TNFAIP1: variants seen among roughly 807,000 people sequenced by gnomAD.
The protein encoded by TNFAIP1 is TNF alpha induced protein 1.
TNFAIP1 carries 20 observed loss-of-function variants against 32.6 expected under a neutral mutation model. The observed-to-expected ratio is 0.61, with a 90% CI of 0.43 to 0.89. The LOEUF is 0.89. TNFAIP1 is among the 40% of genes least tolerant of loss of function. The pLI, the probability that TNFAIP1 is intolerant of heterozygous loss-of-function variation, is 0.00. For missense variants in TNFAIP1, 319 were observed against 425.1 expected (o/e 0.75, Z 2.20); for synonymous variants, 166 against 166.8 (o/e 1.00, Z 0.04).
chr17:28,342,138 C>T lies in TNFAIP1; in HGVS notation c.519-109C>T, dbSNP rs956935467. The T allele has an allele frequency of 1.9e-5, 19 of 1,012,750 alleles. 1 individual carries two copies. The highest frequency in any genetic ancestry group is 7.9e-5 in the South Asian group (4 of 50,536). The allele number at this position is 1,012,750 out of a possible 1,614,324, so 62.7% of individuals were successfully genotyped here. A position where few individuals can be genotyped will look rare whatever the true frequency, so the allele number is the denominator to read the frequency against. On this transcript the variant is annotated intron_variant, in intron 5 of 6. Coordinates refer to ENST00000226225, the MANE Select transcript of TNFAIP1 (RefSeq NM_021137.5). This position sits in a 1 kb window ranked among gnomAD's most constrained non-coding sequence, Gnocchi z 4.0. ...GCCCCCTGGCATCTTGCTTTCATTT[C>T]GGCAGGACAGGATGGGGGAAGGGAG... is the stretch of plus-strand genomic sequence containing the variant.
Position 28,344,490 on chromosome 17 carries a change from G to A in TNFAIP1, c.841G>A (p.Glu281Lys), listed in dbSNP as rs1907474016. ...SRSRSQASPS[E>K]DEETFELRDR... ...TAGCCGCAGCCAGGCTTCCCCCAGT[G>A]AAGATGAGGAGACCTTTGAACTGCG... The change falls in exon 7 of 7, where the codon GAA becomes AAA. Residue 281 changes from glutamate to lysine, a missense_variant. By Grantham distance (56) the Glu-to-Lys change is moderately conservative. Transcript: ENST00000226225. 21 of 1,614,012 alleles carry A rather than the reference G, an allele frequency of 1.3e-5. No homozygotes were observed. The highest frequency in any genetic ancestry group is 1.7e-5 in the Non-Finnish European group (20 of 1,180,026).
At position 28,340,470 on chromosome 17, in the gene TNFAIP1, G is replaced by T; in HGVS notation, c.367G>T (p.Ala123Ser). ...IQGLVNMCQS[A>S]LQDKKDSYQP... Reference sequence around the variant, plus strand: ...GGGGCTGGTGAATATGTGCCAGAGTGCCCTGCAGGTACATGGGTGGGGCGG... The same window carrying T: ...GGGGCTGGTGAATATGTGCCAGAGTTCCCTGCAGGTACATGGGTGGGGCGG... Residue 123 changes from alanine (A) to serine (S), a missense_variant, in exon 3 of 7, where the codon GCC (alanine) becomes TCC (serine). Physicochemically the swap from Ala to Ser is moderately conservative, Grantham distance 99. Transcript: ENST00000226225. This position sits in a 1 kb window ranked among gnomAD's most constrained non-coding sequence, Gnocchi z 4.1. The T allele has an allele frequency of 6.2e-7, 1 of 1,613,932 alleles. No individual in the cohort carries two copies. Among genetic ancestry groups the T allele is most frequent in the Non-Finnish European group, 8.5e-7 (1 of 1,179,902 alleles).
chr17:28,346,013 C>T lies in TNFAIP1; in HGVS notation c.*1413C>T, dbSNP rs1463934377. 1 of 152,206 alleles carries T rather than the reference C, an allele frequency of 6.6e-6. No homozygotes were observed. The highest frequency in any genetic ancestry group is 1.5e-5 in the Non-Finnish European group (1 of 68,038). 9.4% of individuals were successfully genotyped at this position (152,206 alleles called of 1,614,324 possible). On this transcript the variant is annotated 3_prime_UTR_variant, in exon 7 of 7. Transcript: ENST00000226225. ...AAGCAACGTAGCCACGTATAGTACC[C>T]ACTTTCTGCTCTTTGGAGAGAACAC... is the stretch of plus-strand genomic sequence containing the variant.
At position 28,341,345 on chromosome 17, in the gene TNFAIP1, G is replaced by C. The variant is rs1567786655; in HGVS notation, c.465+19G>C. On this transcript the variant is annotated intron_variant, in intron 4 of 6. Transcript: ENST00000226225. ...CACCAAGGTACCAGGACCTCTGAGGGGTGCGGGCCGGGGATGCCAGTCCCC... is the reference window on the plus strand; with the variant it reads ...CACCAAGGTACCAGGACCTCTGAGGCGTGCGGGCCGGGGATGCCAGTCCCC... 4 of 1,614,198 alleles carry C rather than the reference G, an allele frequency of 2.5e-6. No homozygotes were observed. The highest frequency in any genetic ancestry group is 3.4e-6 in the Non-Finnish European group (4 of 1,180,024).
chr17:28,339,514 A>T lies in TNFAIP1; in HGVS notation c.-8A>T, dbSNP rs781881669. The T allele has an allele frequency of 7.6e-6, 12 of 1,588,772 alleles. No individual in the cohort carries two copies. The highest frequency in any genetic ancestry group is 1.1e-5 in the South Asian group (1 of 86,990). ...TCCTGCCGTGTGGTGATCTACCTGC[A>T]GCGGGAGATGTCGGGGGACACCTGC... On this transcript the variant is annotated 5_prime_UTR_variant, in exon 2 of 7. Coordinates refer to ENST00000226225, the MANE Select transcript of TNFAIP1 (RefSeq NM_021137.5).
In TNFAIP1 at chr17:28,340,050, A is replaced by C. The variant is rs947047652; in HGVS notation, c.206-259A>C. Among the ~76,000 whole-genome samples the C allele has an allele frequency of 2.6e-5, 4 of 152,150 alleles. No individual in the cohort carries two copies. The highest frequency in any genetic ancestry group is 2.6e-4 in the Admixed American group (4 of 15,284). ...GGGCTGGGCCTGGTACCCTGAGCCT[A>C]GGCCCCTGTGGCTTCTACAGCCTGG... On this transcript the variant is annotated intron_variant, in intron 2 of 6. Transcript: ENST00000226225. The surrounding 1 kb of genome is among the most constrained non-coding windows in gnomAD (Gnocchi z 4.1).
chr17:28,341,297 G>A lies in TNFAIP1; in HGVS notation c.436G>A (p.Glu146Lys). 2 of 1,614,220 alleles carry A rather than the reference G, an allele frequency of 1.2e-6. No homozygotes were observed. Among genetic ancestry groups the A allele is most frequent in the Non-Finnish European group, 1.7e-6 (2 of 1,180,030 alleles). Residue 146 changes from glutamate (E) to lysine (K), a missense_variant, in exon 4 of 7, where the codon GAG (glutamate) becomes AAG (lysine). Coordinates refer to ENST00000226225, the MANE Select transcript of TNFAIP1 (RefSeq NM_021137.5). ...CCCCATCATCACATCCCTAAAGGAG[G>A]AGGAGCGGCTCATCGAATCCTCCAC... ...NIPIITSLKE[E>K]ERLIESSTKP...
chr17:28,342,304 C>G lies in TNFAIP1; in HGVS notation c.576C>G (p.Arg192=), dbSNP rs782444397. Residue 192 remains arginine, a synonymous_variant, in exon 6 of 7, where the codon CGC becomes CGG. Coordinates refer to ENST00000226225, the MANE Select transcript of TNFAIP1 (RefSeq NM_021137.5). This position sits in a 1 kb window ranked among gnomAD's most constrained non-coding sequence, Gnocchi z 4.0. ...NIELFDKLSL[R]FNGRVLFIKD... ...AGCTGTTTGACAAGCTCTCCCTGCG[C>G]TTCAACGGCCGCGTGCTCTTCATCA... 73 of 1,597,754 alleles carry G rather than the reference C, an allele frequency of 4.6e-5. No individual in the cohort carries two copies. Among genetic ancestry groups the G allele is most frequent in the Non-Finnish European group, 5.4e-5 (63 of 1,166,264 alleles).
rs1907281384 is a variant in TNFAIP1 at position 28,339,411 on chromosome 17, T to G, written c.-111T>G. 1.4e-4 allele frequency: 150 copies of G among 1,074,594 alleles called. No individual in the cohort carries two copies. The highest frequency in any genetic ancestry group is 8.5e-4 in the Middle Eastern group (3 of 3,542). 66.6% of individuals were successfully genotyped at this position (1,074,594 alleles called of 1,614,324 possible). A position where few individuals can be genotyped will look rare whatever the true frequency, so the allele number is the denominator to read the frequency against. ...CTCTTCCCTCTCCCATGTACAGCAC[T>G]GAGATTATGAGGCTCTGGCCTCCAC... On this transcript the variant is annotated 5_prime_UTR_variant, in exon 2 of 7. Coordinates refer to ENST00000226225, the MANE Select transcript of TNFAIP1 (RefSeq NM_021137.5).
In TNFAIP1 at chr17:28,340,200, C is replaced by A; in HGVS notation, c.206-109C>A. The A allele has an allele frequency of 8.6e-7, 1 of 1,164,768 alleles. No individual in the cohort carries two copies. The highest frequency in any genetic ancestry group is 1.3e-6 in the Non-Finnish European group (1 of 799,862). The allele number at this position is 1,164,768 out of a possible 1,614,324, so 72.2% of individuals were successfully genotyped here. ...TGTCACCCTGCGTAAGGGCTTTGTG[C>A]TCGTGGACCCCCTTCCCTGCCACCT... is the stretch of plus-strand genomic sequence containing the variant. On this transcript the variant is annotated intron_variant, in intron 2 of 6. Transcript: ENST00000226225. The surrounding 1 kb of genome is among the most constrained non-coding windows in gnomAD (Gnocchi z 4.1).
intron 1 of TNFAIP1, among the ~76,000 whole-genome samples, chr17:28,337,422 T>G (rs1481665612): frequency 6.6e-6 from 1 of 152,178 alleles, no homozygotes; most frequent in Non-Finnish European, 1.5e-5. Context: ...TTGTCATTGT[T>G]GAGATGAGAT....
Position 28,344,634 on chromosome 17 carries a change from C to T in TNFAIP1, c.*34C>T, listed in dbSNP as rs782479986. The T allele has an allele frequency of 8.7e-6, 14 of 1,600,170 alleles. No individual in the cohort carries two copies. In the Admixed American group the frequency reaches 1.7e-4, roughly 19 times the overall value. On this transcript the variant is annotated 3_prime_UTR_variant, in exon 7 of 7. Transcript: ENST00000226225. Reference sequence around the variant, plus strand: ...TCAGGGAGTCAGGGCACGGGAGGCCCTATCTCCCATCCTGTGGAACCCGCC... The same window carrying T: ...TCAGGGAGTCAGGGCACGGGAGGCCTTATCTCCCATCCTGTGGAACCCGCC...
In TNFAIP1 at chr17:28,340,501, G is replaced by A; in HGVS notation, c.375+23G>A. The A allele has an allele frequency of 1.2e-6, 2 of 1,612,316 alleles. No individual in the cohort carries two copies. The highest frequency in any genetic ancestry group is 2.2e-5 in the East Asian group (1 of 44,812). On this transcript the variant is annotated intron_variant, in intron 3 of 6. Transcript: ENST00000226225. This position sits in a 1 kb window ranked among gnomAD's most constrained non-coding sequence, Gnocchi z 4.1. ...CAGGTACATGGGTGGGGCGGAGCAG[G>A]GCGGGCAGATGAGGTCAGGAGTTGC...
chr17:28,345,756 G>A lies in TNFAIP1; in HGVS notation c.*1156G>A, dbSNP rs1907533027. 1 of 152,312 alleles carries A rather than the reference G, an allele frequency of 6.6e-6. No homozygotes were observed. Among genetic ancestry groups the A allele is most frequent in the Non-Finnish European group, 1.5e-5 (1 of 68,104 alleles). 9.4% of individuals were successfully genotyped at this position (152,312 alleles called of 1,614,324 possible). On this transcript the variant is annotated 3_prime_UTR_variant, in exon 7 of 7. Transcript: ENST00000226225. ...CTGGCTGGGATGGCGGTTCTGCCCAGTGGTGTCTCTGAGCGCGGGATGACA... is the reference window on the plus strand; with the variant it reads ...CTGGCTGGGATGGCGGTTCTGCCCAATGGTGTCTCTGAGCGCGGGATGACA...
At position 28,339,487 on chromosome 17, in the gene TNFAIP1, C is replaced by T. The variant is rs782120843; in HGVS notation, c.-35C>T. On this transcript the variant is annotated 5_prime_UTR_variant, in exon 2 of 7. Coordinates refer to ENST00000226225, the MANE Select transcript of TNFAIP1 (RefSeq NM_021137.5). ...ACCACGGCGGAGCCTTCCAAGCCTA[C>T]CTCCTGCCGTGTGGTGATCTACCTG... 2 of 1,553,024 alleles carry T rather than the reference C, an allele frequency of 1.3e-6. No individual in the cohort carries two copies. The highest frequency in any genetic ancestry group is 2.3e-5 in the East Asian group (1 of 44,372).
intron 1 of TNFAIP1, among the ~76,000 whole-genome samples, 153 bp downstream of exon 1, chr17:28,336,009 G>T (rs534867918): frequency 6.6e-6 from 1 of 152,314 alleles, no homozygotes; most frequent in Non-Finnish European, 1.5e-5. Context: ...GTGAGAACCG[G>T]TGTGGGTTTC....
In TNFAIP1 at chr17:28,344,599, G is replaced by C. The variant is rs782819931; in HGVS notation, c.950G>C (p.Ter317SerextTer102). 1 of 1,611,938 alleles carries C rather than the reference G, an allele frequency of 6.2e-7. No homozygotes were observed. Among genetic ancestry groups the C allele is most frequent in the African/African-American group, 1.3e-5 (1 of 75,046 alleles). ...QLGHQSTHRD[*>S] ...GGCCACCAGTCTACCCATCGCGACT[G>C]ACCAGACCCTCAGGGAGTCAGGGCA... The change falls in exon 7 of 7, where the codon TGA (stop) becomes TCA (serine). Residue 317 changes from the stop codon to serine (S), a stop_lost. Coordinates refer to ENST00000226225, the MANE Select transcript of TNFAIP1 (RefSeq NM_021137.5).
chr17:28,344,023 T>G (rs1451883761), intron 6 of TNFAIP1, among the ~76,000 whole-genome samples: 1 of 152,168 alleles, frequency 6.6e-6, no homozygotes, highest in Non-Finnish European at 1.5e-5. Flanking sequence ...TTTGTACATA[T>G]GGGAGCTGCA....
At chr17:28,336,463 C>A (rs559832463) in intron 1 of TNFAIP1, 1 of 152,318 alleles carries the variant, frequency 6.6e-6, no homozygotes, top group Admixed American at 6.5e-5. Context: ...GGGCTCAAAG[C>A]AATTGCTTTG....
Sources: gnomAD v4.1 joint callset for allele counts (sites outside exome capture counted in the v4.1 genomes callset) on GRCh38, gnomAD v4.1.1 for gene constraint, Gnocchi (gnomAD v3.1) non-coding constraint, MANE v1.5 for transcripts, NCBI Gene and HGNC (gene_info 2026-07-23, HGNC 2026-07-21) for gene names.